The following WIPI1 variants were observed in gnomAD, a reference collection of about 807,000 sequenced individuals.
WIPI1 encodes WD repeat domain phosphoinositide-interacting protein 1.
Under a neutral mutation model 55.3 loss-of-function variants are expected in WIPI1, and 45 were observed. That is an observed-to-expected ratio of 0.81 (90% CI 0.64 to 1.04). WIPI1 has a LOEUF of 1.04. WIPI1 is among the 50% of genes least tolerant of loss of function. WIPI1 has a pLI of 0.00. For synonymous variants in WIPI1, 195 were observed against 217.6 expected, an observed-to-expected ratio of 0.90 and a Z score of 0.92; for missense variants, 445 against 559.0, an observed-to-expected ratio of 0.80 and a Z score of 2.06.
intron 11 of WIPI1, 135 bp from the exon 12 acceptor site, chr17:68,426,310 T>G: frequency 1.4e-6 from 1 of 712,866 alleles, no homozygotes; most frequent in Non-Finnish European, 2.4e-6. Context: ...CTGGAGGTAC[T>G]GTGCCTAGGA....
rs551381493 is a variant in WIPI1, at chr17:68,455,531, G to A, written c.80+1811C>T. Among the ~76,000 whole-genome samples, 72 of 152,268 alleles carry A rather than the reference G, an allele frequency of 4.7e-4. 1 individual carries two copies. The highest frequency in any genetic ancestry group is 1.6e-3 in the African/African-American group (66 of 41,544). ...AAAAGACATGGCAATACACCTAAATGTATTCAGTAAGGGGCTTGACTTATT... is the reference window on the plus strand; with the variant it reads ...AAAAGACATGGCAATACACCTAAATATATTCAGTAAGGGGCTTGACTTATT... On this transcript the variant is annotated intron_variant, in intron 1 of 12. Transcript: ENST00000262139.
At position 68,426,251 on chromosome 17, in the gene WIPI1, G is replaced by GGGGGGGGGGGGGT; in HGVS notation, c.1193-77_1193-76insACCCCCCCCCCCC. The GGGGGGGGGGGGGT allele has an allele frequency of 1.2e-5, 10 of 825,458 alleles. 3 individuals carry two copies. Among genetic ancestry groups the GGGGGGGGGGGGGT allele is most frequent in the Non-Finnish European group, 1.3e-5 (7 of 521,074 alleles). 51.1% of individuals were successfully genotyped at this position (825,458 alleles called of 1,614,324 possible). ...GCCATGACCTGGCGGGTGGGGAGCG[G>GGGGGGGGGGGGGT]GGGCTCAAATAAAGGGCAAAGGAAG... On this transcript the variant is annotated intron_variant, in intron 11 of 12. Coordinates refer to ENST00000262139, the MANE Select transcript of WIPI1 (RefSeq NM_017983.7).
At chr17:68,426,254 G>GGGGCCCCCCCCCCCCC in intron 11 of WIPI1, 79 bp from the exon 12 acceptor site, 2 of 816,908 alleles carry the variant, frequency 2.4e-6, no homozygotes, top group Non-Finnish European at 1.9e-6. Flanking sequence ...GGGAGCGGGG[G>GGGGCCCCCCCCCCCCC]CTCAAATAAA....
intron 9 of WIPI1, among the ~76,000 whole-genome samples, chr17:68,429,280 G>A (rs2083403173): frequency 6.6e-6 from 1 of 152,150 alleles, no homozygotes; most frequent in Admixed American, 6.5e-5. Flanking sequence ...ACAGAAAGGG[G>A]GTAAATGGAG....
rs566749237 is a variant in WIPI1, at chr17:68,433,337, C to T, written c.800+131G>A. On this transcript the variant is annotated intron_variant, in intron 8 of 12. Coordinates refer to ENST00000262139, the MANE Select transcript of WIPI1 (RefSeq NM_017983.7). ...AAAGTTTTGCTAACACACACTCCATCACTTAGGTGAAGTCCCAAGTGAAGC... is the reference window on the plus strand; with the variant it reads ...AAAGTTTTGCTAACACACACTCCATTACTTAGGTGAAGTCCCAAGTGAAGC... 46 of 875,980 alleles carry T rather than the reference C, an allele frequency of 5.3e-5. No individual in the cohort carries two copies. In the South Asian group the frequency reaches 6.7e-4, roughly 13 times the overall value. 54.3% of individuals were successfully genotyped at this position (875,980 alleles called of 1,614,324 possible). A position where few individuals can be genotyped will look rare whatever the true frequency, so the allele number is the denominator to read the frequency against.
chr17:68,437,007 T>A (rs1183351850), intron 4 of WIPI1, among the ~76,000 whole-genome samples: 29 of 138,658 alleles, frequency 2.1e-4, no homozygotes, highest in East Asian at 6.3e-4. Flanking sequence ...AAAAAAAAAA[T>A]ATATATATAT....
At chr17:68,456,369 A>G (rs897288974) in intron 1 of WIPI1, among the ~76,000 whole-genome samples, 5 of 152,248 alleles carry the variant, frequency 3.3e-5, no homozygotes, top group African/African-American at 1.2e-4. Context: ...AGTCACCAGC[A>G]GCCAAGGCAC....
At chr17:68,447,991 AAAAAAAAAAAAAAAAGAT>A (rs1321489778) in intron 3 of WIPI1, among the ~76,000 whole-genome samples, 1 of 148,514 alleles carries the variant, frequency 6.7e-6, no homozygotes, top group African/African-American at 2.6e-5. Context: ...TCTCAAAAAA[AAAAAAAAAAAAAAAAGAT>A]AAAAGGGATT....
chr17:68,422,110 C>T, intron 12 of WIPI1: 1 of 377,608 alleles, frequency 2.6e-6, no homozygotes, highest in Non-Finnish European at 4.9e-6. Context: ...TACTTGTAAA[C>T]ATGGACTGCT....
In WIPI1 at chr17:68,450,877, T is replaced by C. The variant is rs1042373037; in HGVS notation, c.184A>G (p.Ile62Val). ...CTGCTGGAGAAGAGGCGCTCCACGATGTAGACGTCCGGGATTTCATCTGGG... is the reference window on the plus strand; with the variant it reads ...CTGCTGGAGAAGAGGCGCTCCACGACGTAGACGTCCGGGATTTCATCTGGG... ...HGSNEIPDVY[I>V]VERLFSSSLV... is the part of the protein sequence containing the mutation. The change falls in exon 3 of 13, where the codon ATC (isoleucine) becomes GTC (valine). Residue 62 changes from isoleucine (I) to valine (V), a missense_variant. Coordinates refer to ENST00000262139, the MANE Select transcript of WIPI1 (RefSeq NM_017983.7). The C allele has an allele frequency of 1.3e-5, 21 of 1,613,134 alleles. No homozygotes were observed. Among genetic ancestry groups the C allele is most frequent in the Non-Finnish European group, 1.8e-5 (21 of 1,179,674 alleles).
intron 1 of WIPI1, 54 bp from the exon 2 acceptor site, chr17:68,453,046 C>G: frequency 6.7e-7 from 1 of 1,485,998 alleles, no homozygotes; most frequent in Non-Finnish European, 9.4e-7. Context: ...AACAACAGAT[C>G]TGTCTGCAAA....
chr17:68,438,069 T>C (rs1286521285), intron 4 of WIPI1, among the ~76,000 whole-genome samples: 1 of 151,076 alleles, frequency 6.6e-6, no homozygotes, highest in Non-Finnish European at 1.5e-5. Flanking sequence ...CCTCAACTAA[T>C]CTGCTGAGGA....
intron 11 of WIPI1, 78 bp from the exon 12 acceptor site, chr17:68,426,253 G>GGGGGGGGGGGGGGGGGGGGT: frequency 2.4e-6 from 2 of 841,016 alleles, no homozygotes; most frequent in Non-Finnish European, 3.8e-6. Context: ...GGGGAGCGGG[G>GGGGGGGGGGGGGGGGGGGGT]GCTCAAATAA....
chr17:68,429,061 C>G, intron 9 of WIPI1, 125 bp from the exon 10 acceptor site: 1 of 684,152 alleles, frequency 1.5e-6, no homozygotes, highest in Non-Finnish European at 2.6e-6. Context: ...CCTTAGCCCA[C>G]TGATCTGGTC....
intron 2 of WIPI1, among the ~76,000 whole-genome samples, 179 bp downstream of exon 2, chr17:68,452,731 G>C (rs2084542730): frequency 6.6e-6 from 1 of 152,174 alleles, no homozygotes; most frequent in Non-Finnish European, 1.5e-5. Flanking sequence ...AGATCTAAGT[G>C]CTTGTGGTTT....
intron 10 of WIPI1, 65 bp downstream of exon 10, chr17:68,428,764 G>T: frequency 1.6e-6 from 2 of 1,282,760 alleles, no homozygotes; most frequent in Non-Finnish European, 2.3e-6. Flanking sequence ...TGTCGTTCTT[G>T]GCGAAGGGAC....
intron 12 of WIPI1, among the ~76,000 whole-genome samples, chr17:68,425,051 G>C (rs968752678): frequency 5.3e-5 from 8 of 152,216 alleles, no homozygotes; most frequent in Admixed American, 3.3e-4. Context: ...CTTGTCTTCA[G>C]TTCCAGGTGA....
chr17:68,451,276 T>G (rs2084490888), intron 2 of WIPI1, among the ~76,000 whole-genome samples: 1 of 151,940 alleles, frequency 6.6e-6, no homozygotes, highest in South Asian at 2.1e-4. Flanking sequence ...ACTAAAAATA[T>G]TTTAAAAATT....
At chr17:68,426,254 G>GT (rs1445054523) in intron 11 of WIPI1, 79 bp from the exon 12 acceptor site, 3 of 816,890 alleles carry the variant, frequency 3.7e-6, no homozygotes, top group Non-Finnish European at 5.8e-6. Flanking sequence ...GGGAGCGGGG[G>GT]CTCAAATAAA....
Sources: allele counts gnomAD v4.1 joint callset (sites outside exome capture counted in the v4.1 genomes callset), GRCh38; gene constraint gnomAD v4.1.1; transcripts MANE v1.5; gene names NCBI Gene and HGNC (gene_info 2026-07-23, HGNC 2026-07-21).